RALYL: variants seen among roughly 807,000 people sequenced by gnomAD.
RALYL encodes RALY RNA binding protein like.
RALYL carries 29 observed loss-of-function variants against 35.1 expected under a neutral mutation model. That is an observed-to-expected ratio of 0.83 (90% CI 0.61 to 1.13). RALYL has a LOEUF of 1.13. Ranked by LOEUF, RALYL falls within the 50% of genes most tolerant of loss-of-function variation. The pLI is 0.00. For missense variants in RALYL, 359 were observed against 360.4 expected, an observed-to-expected ratio of 1.00 and a Z score of 0.03; for synonymous variants, 120 against 127.6, an observed-to-expected ratio of 0.94 and a Z score of 0.40.
chr8:84,672,788 G>T (rs191535707), intron 2 of RALYL, among the ~76,000 whole-genome samples: 1 of 152,118 alleles, frequency 6.6e-6, no homozygotes, highest in African/African-American at 2.4e-5. Context: ...CCATGATGCA[G>T]TTACCTCCCA....
At chr8:84,868,564 A>G (rs1344124634) in intron 6 of RALYL, among the ~76,000 whole-genome samples, 1 of 152,226 alleles carries the variant, frequency 6.6e-6, no homozygotes, top group Non-Finnish European at 1.5e-5. Context: ...AAGTAAGTTT[A>G]ACAATTCTGA....
At position 84,372,417 on chromosome 8, in the gene RALYL, G is replaced by T. The variant is rs184504389; in HGVS notation, c.-23-156882G>T. 6.6e-5 allele frequency among the ~76,000 whole-genome samples: 10 copies of T among 152,040 alleles called. No individual in the cohort carries two copies. The East Asian group carries it at 1.9e-3, about 30-fold the overall frequency. ...ATAGTTCAAAATCTATTCTGCATGTGGTAGCAGCAGCAGTAGCCTGCATAC... is the reference window on the plus strand; with the variant it reads ...ATAGTTCAAAATCTATTCTGCATGTTGTAGCAGCAGCAGTAGCCTGCATAC... On this transcript the variant is annotated intron_variant, in intron 1 of 8. Coordinates refer to ENST00000521268, the MANE Select transcript of RALYL (RefSeq NM_173848.7).
rs147491338 is a variant in RALYL at position 84,236,517 on chromosome 8, G to A, written c.-24+52093G>A. On this transcript the variant is annotated intron_variant, in intron 1 of 8. Transcript: ENST00000521268. ...CCATATGATAGGCACCTTTTTTATT[G>A]TATAATGATCCTGGCCAAGTCATGC... 5.8e-3 allele frequency among the ~76,000 whole-genome samples: 889 copies of A among 152,120 alleles called. 22 individuals carry two copies. The highest frequency in any genetic ancestry group is 0.05 in the Admixed American group (770 of 15,272).
chr8:84,413,126 C>T (rs957656714), intron 1 of RALYL, among the ~76,000 whole-genome samples: 2 of 150,198 alleles, frequency 1.3e-5, no homozygotes, highest in African/African-American at 2.4e-5. Context: ...TAATTATATA[C>T]ATAATTAATT....
At chr8:84,228,154 CA>C (rs57543989) in intron 1 of RALYL, among the ~76,000 whole-genome samples, 2,382 of 123,392 alleles carry the variant, frequency 0.019, 25 homozygotes, top group African/African-American at 0.057. Flanking sequence ...AATAGTCTAG[CA>C]AAAAAAAAAA....
At chr8:84,471,417 T>A (rs2052730605) in intron 1 of RALYL, among the ~76,000 whole-genome samples, 1 of 147,934 alleles carries the variant, frequency 6.8e-6, no homozygotes. Flanking sequence ...ACCACATCTG[T>A]ACACAAATTA....
chr8:84,681,404 G>C (rs1486569270), intron 2 of RALYL, among the ~76,000 whole-genome samples: 1 of 152,160 alleles, frequency 6.6e-6, no homozygotes, highest in Non-Finnish European at 1.5e-5. Flanking sequence ...TTGGTAGCTT[G>C]ATGGGGATGG....
chr8:84,450,951 G>A (rs2049402871), intron 1 of RALYL, among the ~76,000 whole-genome samples: 1 of 151,954 alleles, frequency 6.6e-6, no homozygotes, highest in African/African-American at 2.4e-5. Flanking sequence ...ATGTCTGGGT[G>A]TCTGTTCCCA....
chr8:84,197,700 C>T lies in RALYL; in HGVS notation c.-24+13276C>T, dbSNP rs373055304. ...TCCGAGCTCTCAGGGAGGCAAGAGG[C>T]GGGAGGATAGCTTGAGCCCAGGAGT... On this transcript the variant is annotated intron_variant, in intron 1 of 8. Transcript: ENST00000521268. Among the ~76,000 whole-genome samples, 273 of 149,012 alleles carry T rather than the reference C, an allele frequency of 1.8e-3. 1 individual carries two copies. The highest frequency in any genetic ancestry group is 5.4e-3 in the African/African-American group (217 of 40,430).
In RALYL at chr8:84,199,549, A is replaced by G. The variant is rs545300801; in HGVS notation, c.-24+15125A>G. On this transcript the variant is annotated intron_variant, in intron 1 of 8. Transcript: ENST00000521268. Reference sequence around the variant, plus strand: ...CTTTAATTTGTTATGCTCGTAGGATATTACTCAATAATTTTTTGCCCAGAC... The same window carrying G: ...CTTTAATTTGTTATGCTCGTAGGATGTTACTCAATAATTTTTTGCCCAGAC... Among the ~76,000 whole-genome samples, 3 of 152,204 alleles carry G rather than the reference A, an allele frequency of 2.0e-5. No homozygotes were observed. In the South Asian group the frequency reaches 6.2e-4, roughly 32 times the overall value.
At chr8:84,762,099 C>T (rs981376479) in intron 2 of RALYL, among the ~76,000 whole-genome samples, 5 of 151,780 alleles carry the variant, frequency 3.3e-5, no homozygotes, top group African/African-American at 9.7e-5. Flanking sequence ...ACCAGAATAG[C>T]TAAAGAGGAA....
chr8:84,839,538 G>T (rs930088711), intron 4 of RALYL, among the ~76,000 whole-genome samples: 9 of 152,352 alleles, frequency 5.9e-5, no homozygotes, highest in East Asian at 3.9e-4. Flanking sequence ...CTCCACCTCT[G>T]AGGGCAGGGC....
chr8:84,241,633 C>A (rs1005001203), intron 1 of RALYL, among the ~76,000 whole-genome samples: 7 of 151,974 alleles, frequency 4.6e-5, no homozygotes, highest in African/African-American at 1.7e-4. Context: ...AAAAAACTAG[C>A]CGGGCTTGGG....
Position 84,228,982 on chromosome 8 carries a change from CAG to C in RALYL, c.-24+44563_-24+44564del, listed in dbSNP as rs1824668167. 2.0e-5 allele frequency among the ~76,000 whole-genome samples: 3 copies of C among 152,152 alleles called. No individual in the cohort carries two copies. The South Asian group carries it at 6.2e-4, about 32-fold the overall frequency. On this transcript the variant is annotated intron_variant, in intron 1 of 8. Transcript: ENST00000521268. ...ATTCAAGGTGAGATTTGGGTGGGAA[CAG>C]AGAGCCAAACTATATCACATCCCCA...
At chr8:84,201,449 G>T (rs1163070823) in intron 1 of RALYL, among the ~76,000 whole-genome samples, 1 of 152,142 alleles carries the variant, frequency 6.6e-6, no homozygotes, top group Non-Finnish European at 1.5e-5. Flanking sequence ...AACCTTGTGA[G>T]TATGAGTATG....
chr8:84,255,819 A>G (rs1231729855), intron 1 of RALYL, among the ~76,000 whole-genome samples: 1 of 152,124 alleles, frequency 6.6e-6, no homozygotes, highest in East Asian at 1.9e-4. Context: ...ATTTTTCAAA[A>G]CCAATTATAT....
At chr8:84,409,121 A>G (rs995068324) in intron 1 of RALYL, among the ~76,000 whole-genome samples, 1 of 152,054 alleles carries the variant, frequency 6.6e-6, no homozygotes, top group Non-Finnish European at 1.5e-5. Flanking sequence ...ATGTCCACTC[A>G]TTACTAGATC....
At chr8:84,694,080 A>G (rs1274248913) in intron 2 of RALYL, among the ~76,000 whole-genome samples, 2 of 151,888 alleles carry the variant, frequency 1.3e-5, no homozygotes, top group African/African-American at 4.8e-5. Context: ...CTCCACTTCT[A>G]TGCAACATAG....
intron 2 of RALYL, among the ~76,000 whole-genome samples, chr8:84,673,937 G>A (rs1404369233): frequency 1.3e-5 from 2 of 152,114 alleles, no homozygotes; most frequent in Non-Finnish European, 2.9e-5. Flanking sequence ...AGTTTAATGT[G>A]AACAGCATTG....
Sources: gnomAD v4.1 joint callset for allele counts (sites outside exome capture counted in the v4.1 genomes callset) on GRCh38, gnomAD v4.1.1 for gene constraint, MANE v1.5 for transcripts, NCBI Gene and HGNC (gene_info 2026-07-23, HGNC 2026-07-21) for gene names.